Variants in PRKCB observed in about 807,000 individuals in gnomAD.
The protein encoded by PRKCB is protein kinase C beta type.
A neutral mutation model predicts 81.5 loss-of-function variants in PRKCB; 13 were observed. That is an observed-to-expected ratio of 0.16 (90% confidence interval 0.10 to 0.25). The LOEUF (loss-of-function observed/expected upper bound fraction) is 0.25, where lower values mean the gene tolerates loss of function less well. Among genes scored for constraint, PRKCB ranks in the 10% least tolerant of loss-of-function variants. The pLI, the probability that PRKCB is intolerant of heterozygous loss-of-function variation, is 1.00. For missense variants in PRKCB, 509 were observed against 875.7 expected (o/e 0.58, Z 5.29); for synonymous variants, 335 against 321.4 (o/e 1.04, Z -0.45).
At chr16:24,205,833 T>C (rs1209056973) in intron 16 of PRKCB, among the ~76,000 whole-genome samples, 2 of 152,162 alleles carry the variant, frequency 1.3e-5, no homozygotes, top group Admixed American at 6.5e-5. Context: ...TTAATAATTA[T>C]AGACTGAGAT....
intron 2 of PRKCB, among the ~76,000 whole-genome samples, chr16:23,848,082 G>A (rs1300524504): frequency 6.6e-6 from 1 of 152,168 alleles, no homozygotes; most frequent in Non-Finnish European, 1.5e-5. Flanking sequence ...AGTGAGGAGA[G>A]AGAATAGGGC....
At chr16:23,847,375 TC>T (rs1962392039) in intron 2 of PRKCB, among the ~76,000 whole-genome samples, 1 of 6,872 alleles carries the variant, frequency 1.5e-4, no homozygotes. Context: ...TATCTATCTA[TC>T]TGTCCATCTA....
intron 16 of PRKCB, among the ~76,000 whole-genome samples, chr16:24,212,905 G>A (rs1968166676): frequency 6.6e-6 from 1 of 152,168 alleles, no homozygotes; most frequent in East Asian, 1.9e-4. Context: ...CACAGTCTCT[G>A]TCATTCAAAC....
intron 2 of PRKCB, among the ~76,000 whole-genome samples, chr16:23,917,726 T>C (rs1255910376): frequency 2.0e-5 from 3 of 152,238 alleles, no homozygotes; most frequent in Admixed American, 1.3e-4. Flanking sequence ...CATTCATTTC[T>C]ACTTGGTTGA....
chr16:24,210,605 C>A (rs1255441163), intron 16 of PRKCB, among the ~76,000 whole-genome samples: 9 of 151,570 alleles, frequency 5.9e-5, no homozygotes. Flanking sequence ...CTCAAGTGAT[C>A]CCCCCACCAC....
At chr16:24,006,638 G>C (rs1965126121) in intron 3 of PRKCB, among the ~76,000 whole-genome samples, 1 of 152,214 alleles carries the variant, frequency 6.6e-6, no homozygotes, top group South Asian at 2.1e-4. Context: ...TGAACAACCA[G>C]ACCAGTTCTA....
At chr16:24,030,389 G>A (rs1965536075) in intron 3 of PRKCB, among the ~76,000 whole-genome samples, 1 of 152,116 alleles carries the variant, frequency 6.6e-6, no homozygotes, top group South Asian at 2.1e-4. Context: ...GCATGTGGGT[G>A]GGTGGGAGGA....
intron 2 of PRKCB, among the ~76,000 whole-genome samples, chr16:23,914,164 T>TG (rs1759336004): frequency 6.6e-6 from 1 of 152,220 alleles, no homozygotes; most frequent in Non-Finnish European, 1.5e-5. Context: ...TGTGCCTCCC[T>TG]GCCCAGCTAA....
At chr16:24,003,947 C>T (rs1239553965) in intron 3 of PRKCB, among the ~76,000 whole-genome samples, 3 of 152,290 alleles carry the variant, frequency 2.0e-5, no homozygotes, top group Non-Finnish European at 4.4e-5. Flanking sequence ...AAGCCAGTCT[C>T]ATACATGAGT....
chr16:24,185,236 C>T (rs1474367530), intron 14 of PRKCB, 45 bp downstream of exon 14: 1 of 1,538,808 alleles, frequency 6.5e-7, no homozygotes, highest in African/African-American at 1.4e-5. Context: ...CTCCCTACCC[C>T]CATCCACATG....
At chr16:23,896,903 TCCA>T (rs1963388184) in intron 2 of PRKCB, among the ~76,000 whole-genome samples, 1 of 151,460 alleles carries the variant, frequency 6.6e-6, no homozygotes, top group African/African-American at 2.4e-5. Flanking sequence ...CATCCATCCA[TCCA>T]TCCATCCATC....
At chr16:23,943,104 C>T (rs900514081) in intron 2 of PRKCB, among the ~76,000 whole-genome samples, 2 of 152,180 alleles carry the variant, frequency 1.3e-5, no homozygotes, top group African/African-American at 2.4e-5. Flanking sequence ...TGTTGCCCTT[C>T]CAGTCTTTGC....
At chr16:23,971,034 A>T (rs1964548615) in intron 2 of PRKCB, among the ~76,000 whole-genome samples, 1 of 152,244 alleles carries the variant, frequency 6.6e-6, no homozygotes, top group Non-Finnish European at 1.5e-5. Flanking sequence ...GGATTATAGT[A>T]GATGTACTTT....
chr16:24,072,783 T>C (rs1478232765), intron 5 of PRKCB, among the ~76,000 whole-genome samples: 1 of 152,162 alleles, frequency 6.6e-6, no homozygotes, highest in African/African-American at 2.4e-5. Context: ...GGTTTCACCA[T>C]GTTGGCCAGG....
chr16:24,098,349 G>T (rs945653753), intron 7 of PRKCB: 10 of 152,198 alleles, frequency 6.6e-5, no homozygotes, highest in African/African-American at 2.2e-4. Context: ...CGTGTAGTCA[G>T]TAGAAAAAGA....
chr16:24,133,052 T>C (rs893897363), intron 9 of PRKCB, among the ~76,000 whole-genome samples: 3 of 152,106 alleles, frequency 2.0e-5, no homozygotes, highest in African/African-American at 4.8e-5. Context: ...CATTTTTCCC[T>C]CTTATTTTCT....
intron 9 of PRKCB, among the ~76,000 whole-genome samples, chr16:24,141,061 T>C (rs903385865): frequency 1.3e-5 from 2 of 152,270 alleles, no homozygotes; most frequent in African/African-American, 4.8e-5. Flanking sequence ...TTCTTTGCTA[T>C]ATGTTAAGCT....
intron 2 of PRKCB, among the ~76,000 whole-genome samples, chr16:23,986,546 C>G (rs941239220): frequency 1.3e-5 from 2 of 152,108 alleles, no homozygotes; most frequent in African/African-American, 4.8e-5. Context: ...GCCACCACAC[C>G]CGGTTTCTAT....
chr16:23,966,773 A>G (rs1165605051), intron 2 of PRKCB, among the ~76,000 whole-genome samples: 3 of 152,160 alleles, frequency 2.0e-5, no homozygotes, highest in Admixed American at 2.0e-4. Flanking sequence ...TGCATCACAT[A>G]TACACTGGTG....
Sources: gnomAD v4.1 joint callset for allele counts (sites outside exome capture counted in the v4.1 genomes callset) on GRCh38, gnomAD v4.1.1 for gene constraint, MANE v1.5 for transcripts, NCBI Gene and HGNC (gene_info 2026-07-23, HGNC 2026-07-21) for gene names.